Variants in SPATA16 observed in about 807,000 individuals in gnomAD.
SPATA16 encodes spermatogenesis associated 16, also known as spermatogenesis-associated protein 16.
SPATA16 carries 36 observed loss-of-function variants against 63.3 expected under a neutral mutation model. The ratio of observed to expected loss-of-function variants is 0.57; its 90% CI spans 0.44 to 0.75. The LOEUF is 0.75. SPATA16 is among the 30% of genes least tolerant of loss of function. SPATA16 has a pLI of 0.00. For synonymous variants in SPATA16, 203 were observed against 216.7 expected (o/e 0.94, Z 0.56); for missense variants, 646 against 679.3 (o/e 0.95, Z 0.54).
Position 173,052,464 on chromosome 3 carries a change from T to C in SPATA16, c.613-3370A>G, listed in dbSNP as rs371019635. Among the ~76,000 whole-genome samples, 12 of 152,286 alleles carry C rather than the reference T, an allele frequency of 7.9e-5. 1 individual carries two copies. Among genetic ancestry groups the C allele is most frequent in the Admixed American group, 2.6e-4 (4 of 15,288 alleles). On this transcript the variant is annotated intron_variant, in intron 2 of 10. Transcript: ENST00000351008. ...GAATTCTTGCTTTACCAATCGAGTG[T>C]TGTAAGATTGACAACTTTACTGACT...
At chr3:172,914,198 C>T (rs1732430816) in intron 9 of SPATA16, among the ~76,000 whole-genome samples, 1 of 152,110 alleles carries the variant, frequency 6.6e-6, no homozygotes, top group South Asian at 2.1e-4. Context: ...AAGAATCTAG[C>T]TCATTTAACT....
chr3:172,911,825 T>A (rs1175163587), intron 10 of SPATA16, among the ~76,000 whole-genome samples: 1 of 152,164 alleles, frequency 6.6e-6, no homozygotes, highest in African/African-American at 2.4e-5. Flanking sequence ...TCCGTCTGCT[T>A]TCTCTTCTTC....
intron 2 of SPATA16, among the ~76,000 whole-genome samples, chr3:173,100,724 T>C (rs1270707872): frequency 6.6e-6 from 1 of 151,204 alleles, no homozygotes; most frequent in Non-Finnish European, 1.5e-5. Context: ...AATTCTTGTT[T>C]ATCAATTTTT....
At chr3:173,065,227 T>C (rs1253463564) in intron 2 of SPATA16, among the ~76,000 whole-genome samples, 1 of 152,080 alleles carries the variant, frequency 6.6e-6, no homozygotes, top group Non-Finnish European at 1.5e-5. Context: ...CACAAACTTA[T>C]TTGACAACAG....
At position 172,925,529 on chromosome 3, in the gene SPATA16, T is replaced by A. The variant is rs1167999582; in HGVS notation, c.1082-37A>T. ...CAGAAAGAGAACTAAGAGGCTTTGT[T>A]ATGGTTTTAATATTTTTAGGGTTTT... On this transcript the variant is annotated intron_variant, in intron 6 of 10. Coordinates refer to ENST00000351008, the MANE Select transcript of SPATA16 (RefSeq NM_031955.6). 1.9e-6 allele frequency: 3 copies of A among 1,613,532 alleles called. No individual in the cohort carries two copies. The Admixed American group carries it at 5.0e-5, about 27-fold the overall frequency.
At chr3:172,902,387 G>A (rs1732143505) in intron 10 of SPATA16, among the ~76,000 whole-genome samples, 1 of 152,136 alleles carries the variant, frequency 6.6e-6, no homozygotes, top group Non-Finnish European at 1.5e-5. Context: ...ATGGGGGAAA[G>A]CAAATCTACT....
chr3:172,961,123 T>TTCCTTCCTTCCTTCCG (rs1560080489), intron 5 of SPATA16, among the ~76,000 whole-genome samples: 10 of 150,900 alleles, frequency 6.6e-5, no homozygotes, highest in African/African-American at 2.4e-4. Context: ...CCTTCCTTCC[T>TTCCTTCCTTCCTTCCG]TCCTTTCTCT....
intron 3 of SPATA16, among the ~76,000 whole-genome samples, chr3:173,019,995 A>G (rs886342357): frequency 1.3e-5 from 2 of 151,676 alleles, no homozygotes; most frequent in Admixed American, 6.6e-5. Flanking sequence ...TTCAGTTAAA[A>G]AAAAAAAAAG....
At position 172,936,551 on chromosome 3, in the gene SPATA16, G is replaced by A. The variant is rs150791342; in HGVS notation, c.1082-11059C>T. ...GTTTTTGTTGCTCTTATGGTATTTT[G>A]TTGCTATTATGTTGCTAAATGGTAA... On this transcript the variant is annotated intron_variant, in intron 6 of 10. Transcript: ENST00000351008. Among the ~76,000 whole-genome samples the A allele has an allele frequency of 9.6e-3, 1,462 of 152,166 alleles. 15 individuals carry two copies. The highest frequency in any genetic ancestry group is 0.02 in the Middle Eastern group (6 of 294).
Position 172,925,388 on chromosome 3 carries a change from AT to A in SPATA16, c.1185del (p.Lys395AsnfsTer23). 2 of 1,613,996 alleles carry A rather than the reference AT, an allele frequency of 1.2e-6. No individual in the cohort carries two copies. Among genetic ancestry groups the A allele is most frequent in the Non-Finnish European group, 1.7e-6 (2 of 1,179,952 alleles). ...TTCCTGCTTGATATTTTTTCCAAAAATTTTCCATCATCTTTGTTTTTGAACC... is the reference window on the plus strand; with the variant it reads ...TTCCTGCTTGATATTTTTTCCAAAAATTTCCATCATCTTTGTTTTTGAACC... ...TLGFKNKDDG[K>X]FLEKISSRKL... On this transcript the variant is annotated frameshift_variant, in exon 7 of 11. Coordinates refer to ENST00000351008, the MANE Select transcript of SPATA16 (RefSeq NM_031955.6). LOFTEE classifies it high-confidence loss of function.
At chr3:173,128,814 T>C (rs7614451) in intron 1 of SPATA16, among the ~76,000 whole-genome samples, 41,761 of 152,242 alleles carry the variant, frequency 0.27, 8,097 homozygotes, top group African/African-American at 0.55. Flanking sequence ...ATGCTACTTT[T>C]CTGGTGACGT....
intron 5 of SPATA16, among the ~76,000 whole-genome samples, chr3:172,962,922 A>C (rs2108240773): frequency 6.6e-6 from 1 of 152,268 alleles, no homozygotes; most frequent in African/African-American, 2.4e-5. Flanking sequence ...AAATATACAT[A>C]GTGGTTTAAT....
chr3:173,106,447 T>A (rs1577177567), intron 2 of SPATA16, among the ~76,000 whole-genome samples: 2 of 152,326 alleles, frequency 1.3e-5, no homozygotes, highest in Middle Eastern at 6.8e-3. Flanking sequence ...GAGCTATGAT[T>A]GTGGGGTTGA....
At chr3:173,027,447 TTTG>T (rs886384515) in intron 3 of SPATA16, among the ~76,000 whole-genome samples, 2 of 152,014 alleles carry the variant, frequency 1.3e-5, no homozygotes, top group African/African-American at 4.8e-5. Context: ...TCCAGTACCA[TTTG>T]TTGTTGTTGC....
intron 4 of SPATA16, among the ~76,000 whole-genome samples, chr3:173,012,508 C>A (rs1735094125): frequency 6.6e-6 from 1 of 152,160 alleles, no homozygotes; most frequent in Non-Finnish European, 1.5e-5. Context: ...GGAGGCATCA[C>A]ATTACCTGAC....
At chr3:173,083,637 T>C (rs557693885) in intron 2 of SPATA16, among the ~76,000 whole-genome samples, 1 of 152,210 alleles carries the variant, frequency 6.6e-6, no homozygotes, top group East Asian at 1.9e-4. Context: ...GATACTCTCC[T>C]TCCTCCTTCT....
intron 4 of SPATA16, among the ~76,000 whole-genome samples, chr3:172,990,164 A>T (rs1206893432): frequency 6.6e-6 from 1 of 152,210 alleles, no homozygotes; most frequent in Non-Finnish European, 1.5e-5. Flanking sequence ...AGTGAATTGC[A>T]CAGTGCAGGC....
chr3:173,100,211 A>T (rs907891816), intron 2 of SPATA16, among the ~76,000 whole-genome samples: 1 of 152,164 alleles, frequency 6.6e-6, no homozygotes, highest in Non-Finnish European at 1.5e-5. Context: ...TGTTGCCTCA[A>T]ATATCACAGC....
chr3:172,992,541 G>A (rs1241038463), intron 4 of SPATA16, among the ~76,000 whole-genome samples: 1 of 152,022 alleles, frequency 6.6e-6, no homozygotes, highest in Non-Finnish European at 1.5e-5. Flanking sequence ...TGGCTTGGTG[G>A]GGAGGATTGA....
Sources: allele counts gnomAD v4.1 joint callset (sites outside exome capture counted in the v4.1 genomes callset), GRCh38; gene constraint gnomAD v4.1.1; transcripts MANE v1.5; gene names NCBI Gene and HGNC (gene_info 2026-07-23, HGNC 2026-07-21).